The following CLCN3 variants were observed in gnomAD, a reference collection of about 807,000 sequenced individuals.
The protein encoded by CLCN3 is H(+)/Cl(-) exchange transporter 3.
Under a neutral mutation model 83.4 loss-of-function variants are expected in CLCN3, and 16 were observed. The ratio of observed to expected loss-of-function variants is 0.19; its 90% CI spans 0.13 to 0.29. The LOEUF is 0.29. Among genes scored for constraint, CLCN3 ranks in the 10% least tolerant of loss-of-function variants. CLCN3 has a pLI of 1.00. For synonymous variants in CLCN3, 322 were observed against 346.2 expected, an observed-to-expected ratio of 0.93 and a Z score of 0.78; for missense variants, 544 against 1,006.0, an observed-to-expected ratio of 0.54 and a Z score of 6.21.
chr4:169,629,180 T>C (rs1560825537), intron 1 of CLCN3, among the ~76,000 whole-genome samples: 1 of 47,248 alleles, frequency 2.1e-5, no homozygotes, highest in African/African-American at 4.2e-5. Flanking sequence ...GAATATTCTG[T>C]ATCTTGACTG....
At chr4:169,717,835 C>T in intron 12 of CLCN3, 1 of 1,613,200 alleles carries the variant, frequency 6.2e-7, no homozygotes, top group Non-Finnish European at 8.5e-7. Context: ...ATTAGAGCAT[C>T]TCGAGCAACT....
At chr4:169,630,676 AC>A (rs139172634) in intron 1 of CLCN3, among the ~76,000 whole-genome samples, 1,778 of 152,030 alleles carry the variant, frequency 0.012, 34 homozygotes, top group African/African-American at 0.041. Flanking sequence ...AATTACAGAC[AC>A]CTGCCATCAC....
intron 2 of CLCN3, chr4:169,663,510 A>ATTT (rs35801757): frequency 3.3e-4 from 80 of 245,648 alleles, no homozygotes; most frequent in South Asian, 7.1e-4. Context: ...AAAAAACAAA[A>ATTT]TTTTTTTTTT....
chr4:169,640,727 C>T (rs1730389327), intron 2 of CLCN3, among the ~76,000 whole-genome samples: 4 of 152,114 alleles, frequency 2.6e-5, no homozygotes, highest in Admixed American at 2.6e-4. Context: ...GCTCTTGACT[C>T]ATTGAAAATG....
chr4:169,670,652 A>G lies in CLCN3; in HGVS notation c.161-9398A>G, dbSNP rs181771227. Among the ~76,000 whole-genome samples the G allele has an allele frequency of 4.2e-3, 642 of 152,290 alleles. 7 individuals are homozygous for G. Among genetic ancestry groups the G allele is most frequent in the South Asian group, 0.036 (174 of 4,820 alleles). ...AGTAGGTTTTTCTAATTTTGTGAGG[A>G]AAGTCAATGGTAGCTTGATGGGAAT... is the stretch of plus-strand genomic sequence containing the variant. On this transcript the variant is annotated intron_variant, in intron 2 of 12. Coordinates refer to ENST00000513761, the MANE Select transcript of CLCN3 (RefSeq NM_001829.4).
chr4:169,707,310 C>G, intron 11 of CLCN3, 44 bp downstream of exon 11: 2 of 1,446,196 alleles, frequency 1.4e-6, no homozygotes, highest in Non-Finnish European at 1.9e-6. Flanking sequence ...AGATGGATTT[C>G]TGGAAGAAAG....
At chr4:169,626,680 C>T (rs1336428323) in intron 1 of CLCN3, among the ~76,000 whole-genome samples, 1 of 152,146 alleles carries the variant, frequency 6.6e-6, no homozygotes, top group Non-Finnish European at 1.5e-5. Flanking sequence ...CAACATTATA[C>T]AAAAGACTGT....
chr4:169,644,058 C>T (rs2150208016), intron 2 of CLCN3, among the ~76,000 whole-genome samples: 1 of 152,284 alleles, frequency 6.6e-6, no homozygotes, highest in Admixed American at 6.5e-5. Flanking sequence ...TGCTTTTCCT[C>T]AGGACGGAAC....
intron 8 of CLCN3, among the ~76,000 whole-genome samples, chr4:169,696,179 T>A (rs968537754): frequency 1.3e-5 from 2 of 152,142 alleles, no homozygotes; most frequent in African/African-American, 2.4e-5. Flanking sequence ...AACCTCCGCC[T>A]CCAGGGTTCA....
At chr4:169,659,544 C>T (rs1217927402) in intron 2 of CLCN3, among the ~76,000 whole-genome samples, 1 of 152,114 alleles carries the variant, frequency 6.6e-6, no homozygotes, top group Non-Finnish European at 1.5e-5. Context: ...AGTAAAGTTA[C>T]TTAGTACGTT....
chr4:169,629,464 G>T (rs1773314393), intron 1 of CLCN3, among the ~76,000 whole-genome samples: 1 of 151,812 alleles, frequency 6.6e-6, no homozygotes. Context: ...TCTGCCTCCT[G>T]GGCTCAAGTG....
At chr4:169,700,790 C>T (rs998345546) in intron 9 of CLCN3, among the ~76,000 whole-genome samples, 1 of 152,144 alleles carries the variant, frequency 6.6e-6, no homozygotes, top group Non-Finnish European at 1.5e-5. Flanking sequence ...TCTGTTTACA[C>T]TATGCTGTAG....
intron 1 of CLCN3, among the ~76,000 whole-genome samples, chr4:169,622,299 A>T (rs1015247058): frequency 3.3e-5 from 5 of 152,162 alleles, no homozygotes; most frequent in Admixed American, 6.5e-5. Context: ...AGGGGAACAG[A>T]TTTGTTGATG....
chr4:169,702,449 C>A (rs1438783718), intron 9 of CLCN3, among the ~76,000 whole-genome samples: 1 of 152,148 alleles, frequency 6.6e-6, no homozygotes, highest in African/African-American at 2.4e-5. Flanking sequence ...TAAAAGGAAT[C>A]TTTTTGTCTG....
intron 11 of CLCN3, among the ~76,000 whole-genome samples, chr4:169,710,902 C>T (rs1213933915): frequency 6.6e-6 from 1 of 152,036 alleles, no homozygotes; most frequent in Non-Finnish European, 1.5e-5. Flanking sequence ...CTATGTTGCC[C>T]AGGGTAGACT....
intron 9 of CLCN3, among the ~76,000 whole-genome samples, chr4:169,698,948 C>T (rs1732674442): frequency 6.6e-6 from 1 of 152,210 alleles, no homozygotes; most frequent in African/African-American, 2.4e-5. Flanking sequence ...ATCACCCTGA[C>T]CCAAACTCTG....
At chr4:169,625,306 G>C (rs1437230760) in intron 1 of CLCN3, among the ~76,000 whole-genome samples, 1 of 152,116 alleles carries the variant, frequency 6.6e-6, no homozygotes, top group African/African-American at 2.4e-5. Context: ...TTAACAGAGA[G>C]TTGACTGACA....
chr4:169,668,908 C>T (rs558299819), intron 2 of CLCN3, among the ~76,000 whole-genome samples: 1 of 152,204 alleles, frequency 6.6e-6, no homozygotes, highest in African/African-American at 2.4e-5. Context: ...ATTTACATTT[C>T]TAGGAGCCAC....
chr4:169,636,901 T>C (rs72694745), intron 2 of CLCN3, among the ~76,000 whole-genome samples: 11,280 of 152,154 alleles, frequency 0.074, 465 homozygotes, highest in African/African-American at 0.12. Flanking sequence ...TCAGATACTA[T>C]CAGAGATACT....
Sources: allele counts gnomAD v4.1 joint callset (sites outside exome capture counted in the v4.1 genomes callset), GRCh38; gene constraint gnomAD v4.1.1; transcripts MANE v1.5; gene names NCBI Gene and HGNC (gene_info 2026-07-23, HGNC 2026-07-21).